SGCD: variants seen among roughly 807,000 people sequenced by gnomAD.
The protein encoded by SGCD is delta-sarcoglycan.
Under a neutral mutation model 36.6 loss-of-function variants are expected in SGCD, and 18 were observed. The observed-to-expected ratio is 0.49, with a 90% CI of 0.34 to 0.73. SGCD has a LOEUF of 0.73. Among genes scored for constraint, SGCD ranks in the 30% least tolerant of loss-of-function variants. SGCD has a pLI of 0.01. For missense variants in SGCD, 387 were observed against 346.7 expected, an observed-to-expected ratio of 1.12 and a Z score of -0.92; for synonymous variants, 133 against 130.6, an observed-to-expected ratio of 1.02 and a Z score of -0.12.
intron 1 of SGCD, among the ~76,000 whole-genome samples, chr5:156,044,733 C>T (rs1759720696): frequency 6.6e-6 from 1 of 152,046 alleles, no homozygotes; most frequent in Non-Finnish European, 1.5e-5. Context: ...TTTATGGAAG[C>T]AGTACATATG....
At chr5:156,412,046 A>G (rs1436578634) in intron 3 of SGCD, among the ~76,000 whole-genome samples, 2 of 152,222 alleles carry the variant, frequency 1.3e-5, no homozygotes, top group Non-Finnish European at 2.9e-5. Context: ...CTGGAATCCA[A>G]CTAATAATTT....
At chr5:156,033,740 G>A (rs1581053385) in intron 1 of SGCD, among the ~76,000 whole-genome samples, 1 of 152,124 alleles carries the variant, frequency 6.6e-6, no homozygotes, top group African/African-American at 2.4e-5. Context: ...ATTAGGGAGG[G>A]CATACTATGT....
At position 156,759,212 on chromosome 5, in the gene SGCD, TTTAGA is replaced by T; in HGVS notation, c.700-1_703del. 2 of 1,612,462 alleles carry T rather than the reference TTTAGA, an allele frequency of 1.2e-6. No individual in the cohort carries two copies. The highest frequency in any genetic ancestry group is 1.7e-6 in the Non-Finnish European group (2 of 1,178,614). The stretch of plus-strand genomic sequence containing the variant: ...AATGCTTTCCTTCCTATTCTCTGTC[TTTAGA>T]TTAAGTTAGATGCTGCGAAAATCAG... On this transcript the variant is annotated splice_acceptor_variant and splice_polypyrimidine_tract_variant and coding_sequence_variant and intron_variant, in exon 9 of 9. Coordinates refer to ENST00000337851, the MANE Select transcript of SGCD (RefSeq NM_000337.6). LOFTEE classifies it high-confidence loss of function.
rs1233715798 is a variant in SGCD, at chr5:156,763,822, C to G, written c.*4432C>G. 1 of 151,756 alleles carries G rather than the reference C, an allele frequency of 6.6e-6. No individual in the cohort carries two copies. The highest frequency in any genetic ancestry group is 1.5e-5 in the Non-Finnish European group (1 of 67,994). 9.4% of individuals were successfully genotyped at this position (151,756 alleles called of 1,614,324 possible). A position where few individuals can be genotyped will look rare whatever the true frequency, so the allele number is the denominator to read the frequency against. ...TGTAAATGACCCCCATTTACCAGAC[C>G]CTAATCAAAGTCACTTAAGGGAATC... On this transcript the variant is annotated 3_prime_UTR_variant, in exon 9 of 9. Coordinates refer to ENST00000337851, the MANE Select transcript of SGCD (RefSeq NM_000337.6).
chr5:156,347,558 T>C (rs981909182), intron 3 of SGCD, among the ~76,000 whole-genome samples: 3 of 152,066 alleles, frequency 2.0e-5, no homozygotes, highest in African/African-American at 7.2e-5. Context: ...AAAAGCAAAA[T>C]AGAATTTATT....
intron 1 of SGCD, among the ~76,000 whole-genome samples, chr5:156,093,770 G>A (rs142335641): frequency 6.6e-6 from 1 of 152,326 alleles, no homozygotes; most frequent in African/African-American, 2.4e-5. Flanking sequence ...TTAGCAGCCA[G>A]TTAATAGAGG....
intron 3 of SGCD, among the ~76,000 whole-genome samples, chr5:156,203,524 C>G (rs557530481): frequency 6.6e-6 from 1 of 152,234 alleles, no homozygotes; most frequent in South Asian, 2.1e-4. Context: ...TATGTCCCGA[C>G]CACTTATTCA....
chr5:156,290,948 A>G (rs759945187), intron 3 of SGCD, among the ~76,000 whole-genome samples: 20 of 152,142 alleles, frequency 1.3e-4, no homozygotes, highest in Admixed American at 4.6e-4. Context: ...AACTATAGTC[A>G]TCCCTCAGTA....
At chr5:156,070,936 T>A (rs1466013868) in intron 1 of SGCD, among the ~76,000 whole-genome samples, 1 of 152,184 alleles carries the variant, frequency 6.6e-6, no homozygotes, top group Non-Finnish European at 1.5e-5. Flanking sequence ...TTTGTAGTAT[T>A]CTCTGATGGT....
At chr5:156,032,400 GATACATTGTCA>G (rs1054653893) in intron 1 of SGCD, among the ~76,000 whole-genome samples, 34 of 151,890 alleles carry the variant, frequency 2.2e-4, no homozygotes, top group African/African-American at 6.5e-4. Context: ...TCAACTTTTA[GATACATTGTCA>G]ATTGAAGGGT....
chr5:156,694,859 C>T (rs997447094), intron 7 of SGCD, among the ~76,000 whole-genome samples: 8 of 152,242 alleles, frequency 5.3e-5, no homozygotes, highest in African/African-American at 1.9e-4. Flanking sequence ...TTAGCCTTTT[C>T]ATGCTGGTGC....
the SGCD span, among the ~76,000 whole-genome samples, chr5:155,814,102 C>A: frequency 6.6e-6 from 1 of 152,162 alleles, no homozygotes; most frequent in Non-Finnish European, 1.5e-5. Context: ...ATCACAAATC[C>A]CTCATCTAGT....
At chr5:156,594,564 G>A (rs1760849177) in intron 5 of SGCD, among the ~76,000 whole-genome samples, 1 of 152,178 alleles carries the variant, frequency 6.6e-6, no homozygotes, top group Non-Finnish European at 1.5e-5. Flanking sequence ...GTCTCGAGAA[G>A]TGTTGAGCCT....
chr5:155,883,793 C>CAAAAAAAAAAAAAAAAAAAAAAA (rs34250962), intron 1 of SGCD, among the ~76,000 whole-genome samples: 1 of 83,524 alleles, frequency 1.2e-5, no homozygotes, highest in African/African-American at 4.9e-5. Flanking sequence ...CTTCAATTTG[C>CAAAAAAAAAAAAAAAAAAAAAAA]AAAAAAAAAA....
rs761337853 is a variant in SGCD at position 156,766,191 on chromosome 5, TCTTA to T, written c.*6805_*6808del. 5.3e-5 allele frequency: 8 copies of T among 152,136 alleles called. No individual in the cohort carries two copies. The highest frequency in any genetic ancestry group is 1.2e-4 in the Non-Finnish European group (8 of 68,006). 9.4% of individuals were successfully genotyped at this position (152,136 alleles called of 1,614,324 possible). A position where few individuals can be genotyped will look rare whatever the true frequency, so the allele number is the denominator to read the frequency against. ...TATACTTCCCTTCAAAAGACAAATA[TCTTA>T]CTTTTGATCTTTGACACTATTTGGT... On this transcript the variant is annotated 3_prime_UTR_variant, in exon 9 of 9. Coordinates refer to ENST00000337851, the MANE Select transcript of SGCD (RefSeq NM_000337.6).
At chr5:155,787,024 G>A in the SGCD span, among the ~76,000 whole-genome samples, 1 of 152,202 alleles carries the variant, frequency 6.6e-6, no homozygotes, top group African/African-American at 2.4e-5. Context: ...CAGAGTGCAA[G>A]CGGGCTTTGC....
intron 1 of SGCD, among the ~76,000 whole-genome samples, chr5:156,099,530 T>C (rs1761469451): frequency 6.6e-6 from 1 of 152,178 alleles, no homozygotes; most frequent in Admixed American, 6.6e-5. Flanking sequence ...CTCTCCTGCC[T>C]CAGCCTCCCA....
chr5:156,178,586 C>T (rs1183219581), intron 3 of SGCD, among the ~76,000 whole-genome samples: 1 of 151,784 alleles, frequency 6.6e-6, no homozygotes, highest in East Asian at 1.9e-4. Flanking sequence ...TAAATCTTAC[C>T]CATTGGGCCT....
At chr5:156,743,367 C>T (rs2113098555) in intron 7 of SGCD, among the ~76,000 whole-genome samples, 1 of 152,320 alleles carries the variant, frequency 6.6e-6, no homozygotes, top group African/African-American at 2.4e-5. Context: ...CTGCCTTGGC[C>T]TCCCAAAGTG....
Sources: gnomAD v4.1 joint callset for allele counts (sites outside exome capture counted in the v4.1 genomes callset) on GRCh38, gnomAD v4.1.1 for gene constraint, MANE v1.5 for transcripts, NCBI Gene and HGNC (gene_info 2026-07-23, HGNC 2026-07-21) for gene names.